The following NBDY variants were observed in gnomAD, a reference collection of about 807,000 sequenced individuals.
The protein encoded by NBDY is negative regulator of P-body association.
At chrX:56,787,679 C>G (rs1173923951) in intron 2 of NBDY, among the ~76,000 whole-genome samples, 3 of 112,016 alleles carry the variant, frequency 2.7e-5, no homozygotes, top group African/African-American at 9.8e-5. Context: ...TGTGTGATGC[C>G]ATGAGAATCT....
At chrX:56,766,009 A>G (rs369509818) in intron 2 of NBDY, among the ~76,000 whole-genome samples, 1 of 111,328 alleles carries the variant, frequency 9.0e-6, no homozygotes, top group Non-Finnish European at 1.9e-5. Flanking sequence ...AGCACAGATG[A>G]AGGTCATGAG....
intron 2 of NBDY, among the ~76,000 whole-genome samples, chrX:56,766,306 G>T (rs2069665326): frequency 9.0e-6 from 1 of 111,477 alleles, no homozygotes; most frequent in Non-Finnish European, 1.9e-5. Flanking sequence ...TGCAGGCAGG[G>T]TGTCTCTGCC....
intron 2 of NBDY, among the ~76,000 whole-genome samples, chrX:56,744,168 C>G (rs187199590): frequency 1.6e-3 from 175 of 111,340 alleles, no homozygotes; most frequent in Admixed American, 4.7e-3. Flanking sequence ...CCATTGTGGT[C>G]AAAGATGCTT....
intron 2 of NBDY, among the ~76,000 whole-genome samples, chrX:56,784,062 C>T (rs1181187232): frequency 1.8e-5 from 2 of 111,238 alleles, no homozygotes; most frequent in Non-Finnish European, 1.9e-5. Context: ...GGGGGTAGGT[C>T]GCACTGGGGG....
At chrX:56,788,410 GATGGTGGC>G (rs1376405830) in intron 2 of NBDY, among the ~76,000 whole-genome samples, 6 of 112,819 alleles carry the variant, frequency 5.3e-5, no homozygotes, top group African/African-American at 9.7e-5. Flanking sequence ...GCACAAAACA[GATGGTGGC>G]ATGGGGCCCC....
At chrX:56,797,387 T>C (rs2069798819) in intron 2 of NBDY, among the ~76,000 whole-genome samples, 1 of 108,800 alleles carries the variant, frequency 9.2e-6, no homozygotes, top group Non-Finnish European at 1.9e-5. Flanking sequence ...GCAAATGTTC[T>C]AGCAGATTGC....
At chrX:56,807,021 C>G (rs961555004) in intron 2 of NBDY, among the ~76,000 whole-genome samples, 3 of 111,734 alleles carry the variant, frequency 2.7e-5, no homozygotes, top group African/African-American at 9.8e-5. Flanking sequence ...CCAGTTTCAC[C>G]TTTCTGCATA....
chrX:56,784,094 G>T (rs1011931378), intron 2 of NBDY, among the ~76,000 whole-genome samples: 1 of 112,031 alleles, frequency 8.9e-6, no homozygotes, highest in Admixed American at 9.4e-5. Context: ...GGTACAGGGG[G>T]AGAGGTGTGT....
intron 2 of NBDY, among the ~76,000 whole-genome samples, chrX:56,738,985 A>G (rs747451382): frequency 9.2e-6 from 1 of 108,507 alleles, no homozygotes; most frequent in Non-Finnish European, 1.9e-5. Flanking sequence ...CCTCCTGGGT[A>G]TGGGGCAGGA....
At chrX:56,803,748 C>A (rs1408355566) in intron 2 of NBDY, among the ~76,000 whole-genome samples, 1 of 112,052 alleles carries the variant, frequency 8.9e-6, no homozygotes, top group Non-Finnish European at 1.9e-5. Flanking sequence ...CAGTGTGGCT[C>A]CAGAAATGGC....
At chrX:56,730,810 C>T (rs1355030883) in intron 1 of NBDY, among the ~76,000 whole-genome samples, 1 of 111,673 alleles carries the variant, frequency 9.0e-6, no homozygotes, top group Non-Finnish European at 1.9e-5. Context: ...TTCTTACTAT[C>T]AGAAAAGGAA....
intron 2 of NBDY, among the ~76,000 whole-genome samples, chrX:56,753,198 T>C (rs1315637111): frequency 8.9e-6 from 1 of 112,487 alleles, no homozygotes; most frequent in East Asian, 2.8e-4. Flanking sequence ...GCACCTGTTC[T>C]TGAAGACTAC....
chrX:56,750,656 T>C (rs2146718296), intron 2 of NBDY, among the ~76,000 whole-genome samples: 1 of 111,598 alleles, frequency 9.0e-6, no homozygotes, highest in East Asian at 2.8e-4. Context: ...TTCTTTATTG[T>C]TTGTACTAGT....
chrX:56,788,280 C>A (rs2069741421), intron 2 of NBDY, among the ~76,000 whole-genome samples: 1 of 112,789 alleles, frequency 8.9e-6, no homozygotes. Flanking sequence ...CAGAGACCAT[C>A]AGCTTAGAGA....
chrX:56,814,219 A>G (rs1322546882), intron 2 of NBDY, among the ~76,000 whole-genome samples: 1 of 108,841 alleles, frequency 9.2e-6, no homozygotes, highest in Non-Finnish European at 1.9e-5. Context: ...TTTTAATTTC[A>G]TGGTTTTTGA....
At chrX:56,747,577 A>C (rs774665955) in intron 2 of NBDY, among the ~76,000 whole-genome samples, 1 of 111,854 alleles carries the variant, frequency 8.9e-6, no homozygotes, top group Non-Finnish European at 1.9e-5. Flanking sequence ...ATAAACATGA[A>C]GACTTTGTGC....
At chrX:56,812,679 C>A (rs747445676) in intron 2 of NBDY, among the ~76,000 whole-genome samples, 28 of 111,595 alleles carry the variant, frequency 2.5e-4, no homozygotes, top group African/African-American at 6.8e-4. Flanking sequence ...GGACGTCACT[C>A]ATATCTCTTT....
At chrX:56,780,877 G>T (rs5914792) in intron 2 of NBDY, among the ~76,000 whole-genome samples, 2 of 91,976 alleles carry the variant, frequency 2.2e-5, no homozygotes, top group African/African-American at 8.1e-5. Context: ...GAGAAGAAAA[G>T]AATGCAGGAA....
chrX:56,789,033 G>A (rs1328293881), intron 2 of NBDY, among the ~76,000 whole-genome samples: 3 of 112,800 alleles, frequency 2.7e-5, no homozygotes, highest in African/African-American at 9.7e-5. Context: ...ATCTTCCTCT[G>A]GGTGGCACTG....
Sources: gnomAD v4.1 joint callset for allele counts (sites outside exome capture counted in the v4.1 genomes callset) on GRCh38, gnomAD v4.1.1 for gene constraint, MANE v1.5 for transcripts, NCBI Gene and HGNC (gene_info 2026-07-23, HGNC 2026-07-21) for gene names.